PLCE1: variants seen among roughly 807,000 people sequenced by gnomAD.
PLCE1 encodes the protein 1-phosphatidylinositol 4,5-bisphosphate phosphodiesterase epsilon-1.
PLCE1 carries 119 observed loss-of-function variants against 242.8 expected under a neutral mutation model. The observed-to-expected ratio is 0.49, with a 90% CI of 0.42 to 0.57. PLCE1 has a LOEUF of 0.57. Among genes scored for constraint, PLCE1 ranks in the 20% least tolerant of loss-of-function variants. The pLI, the probability that PLCE1 is intolerant of heterozygous loss-of-function variation, is 0.00. For missense variants in PLCE1, 2,441 were observed against 2,788.8 expected, an observed-to-expected ratio of 0.88 and a Z score of 2.81; for synonymous variants, 945 against 1,017.4, an observed-to-expected ratio of 0.93 and a Z score of 1.35.
chr10:94,086,338 G>T (rs1239640756), intron 2 of PLCE1, among the ~76,000 whole-genome samples: 1 of 152,140 alleles, frequency 6.6e-6, no homozygotes, highest in Non-Finnish European at 1.5e-5. Flanking sequence ...GTATTGCCCA[G>T]CTTGACGACC....
intron 2 of PLCE1, chr10:94,094,545 C>T (rs2045226130): frequency 1.3e-5 from 2 of 152,182 alleles, no homozygotes; most frequent in African/African-American, 4.8e-5. Context: ...GAAGTCATAT[C>T]CTGCAAGACA....
intron 27 of PLCE1, 54 bp from the exon 28 acceptor site, chr10:94,313,200 G>T (rs2053444373): frequency 1.2e-6 from 2 of 1,604,728 alleles, no homozygotes; most frequent in African/African-American, 1.3e-5. Context: ...ATCAAATAGA[G>T]CTTAGAAATA....
intron 30 of PLCE1, 36 bp downstream of exon 30, chr10:94,322,095 C>T (rs1462818417): frequency 2.5e-6 from 4 of 1,597,138 alleles, no homozygotes; most frequent in Non-Finnish European, 2.6e-6. Flanking sequence ...GAGTCCTTTC[C>T]TCAGCATAAA....
At chr10:94,187,181 T>TGTGTGTGTGTGC (rs368426619) in intron 4 of PLCE1, among the ~76,000 whole-genome samples, 2 of 149,154 alleles carry the variant, frequency 1.3e-5, no homozygotes, top group African/African-American at 4.9e-5. Context: ...TGTGTGTGTG[T>TGTGTGTGTGTGC]GCGTGCACAC....
chr10:94,273,808 C>T (rs2051839073), intron 19 of PLCE1, 88 bp downstream of exon 19: 7 of 1,229,650 alleles, frequency 5.7e-6, no homozygotes, highest in Non-Finnish European at 1.2e-6. Context: ...AGATGACCTG[C>T]TGGTTTACTA....
Position 94,227,320 on chromosome 10 carries a change from G to T in PLCE1, c.1824G>T (p.Val608=). ...VMRFNEVSSW[V]TWLILTAGSM... is the part of the protein sequence containing the mutation. ...GTGTTTTCCAGGTGAGCTCCTGGGT[G>T]ACATGGCTGATCCTCACGGCAGGCT... The change falls in exon 5 of 33, where the codon GTG becomes GTT. Residue 608 remains valine, a synonymous_variant. Coordinates refer to ENST00000371380, the MANE Select transcript of PLCE1 (RefSeq NM_016341.4). The T allele has an allele frequency of 6.2e-7, 1 of 1,614,122 alleles. No homozygotes were observed. The highest frequency in any genetic ancestry group is 1.1e-5 in the South Asian group (1 of 91,078).
At chr10:94,048,453 A>T (rs964893634) in intron 2 of PLCE1, among the ~76,000 whole-genome samples, 1 of 151,936 alleles carries the variant, frequency 6.6e-6, no homozygotes, top group Admixed American at 6.6e-5. Flanking sequence ...AATACTTTAT[A>T]TGTTTCAACT....
chr10:94,010,370 G>A (rs999571500), intron 1 of PLCE1, among the ~76,000 whole-genome samples: 3 of 152,236 alleles, frequency 2.0e-5, no homozygotes, highest in Non-Finnish European at 4.4e-5. Flanking sequence ...GGGGCAGCTT[G>A]GAAGATCTGA....
At chr10:94,052,961 A>G (rs564377101) in intron 2 of PLCE1, among the ~76,000 whole-genome samples, 1 of 152,324 alleles carries the variant, frequency 6.6e-6, no homozygotes, top group African/African-American at 2.4e-5. Flanking sequence ...GCCACTTGCC[A>G]TTTCTGATTA....
chr10:94,249,222 G>A (rs146363038), intron 8 of PLCE1, among the ~76,000 whole-genome samples: 3 of 152,116 alleles, frequency 2.0e-5, no homozygotes, highest in Non-Finnish European at 2.9e-5. Flanking sequence ...GATTTCTTTC[G>A]AAAGAAAAAA....
chr10:94,305,854 G>C (rs868537395), intron 25 of PLCE1, among the ~76,000 whole-genome samples: 1 of 152,080 alleles, frequency 6.6e-6, no homozygotes, highest in South Asian at 2.1e-4. Flanking sequence ...ACTTCATCTT[G>C]TTTGGTTTTT....
chr10:94,065,338 C>T lies in PLCE1; in HGVS notation c.1206+33086C>T, dbSNP rs867249572. On this transcript the variant is annotated intron_variant, in intron 2 of 32. Coordinates refer to ENST00000371380, the MANE Select transcript of PLCE1 (RefSeq NM_016341.4). ...ACCTCTCGGCTCTGGGGCCATAGCT[C>T]ATGTATGACACTTGCTCTATGGAGA... Among the ~76,000 whole-genome samples the T allele has an allele frequency of 2.0e-5, 3 of 152,206 alleles. No individual in the cohort carries two copies. The South Asian group carries it at 6.2e-4, about 32-fold the overall frequency.
At chr10:94,197,509 A>G (rs912844672) in intron 4 of PLCE1, among the ~76,000 whole-genome samples, 2 of 152,072 alleles carry the variant, frequency 1.3e-5, no homozygotes, top group African/African-American at 4.8e-5. Context: ...TACAACACAT[A>G]CCTACAGCCA....
intron 2 of PLCE1, among the ~76,000 whole-genome samples, chr10:94,103,298 G>C (rs147265255): frequency 1.3e-5 from 2 of 152,318 alleles, no homozygotes; most frequent in South Asian, 4.1e-4. Flanking sequence ...GCTAGGGCTT[G>C]AACCTTGGGC....
chr10:94,045,168 T>C (rs996122275), intron 2 of PLCE1, among the ~76,000 whole-genome samples: 1 of 152,034 alleles, frequency 6.6e-6, no homozygotes, highest in African/African-American at 2.4e-5. Context: ...GCCCGGATAA[T>C]TAAAAAAATT....
intron 4 of PLCE1, among the ~76,000 whole-genome samples, chr10:94,210,386 C>G (rs1376082208): frequency 6.6e-6 from 1 of 152,112 alleles, no homozygotes; most frequent in Non-Finnish European, 1.5e-5. Context: ...CCTAAATTAT[C>G]AGACCCCTAG....
rs193105367 is a variant in PLCE1, at chr10:94,142,522, T to C, written c.1492+10063T>C. The stretch of plus-strand genomic sequence containing the variant: ...AGGTGATGGAGCGAGACTCTCTCTC[T>C]ACAAAAACTTTAAAAATTAAAAATA... On this transcript the variant is annotated intron_variant, in intron 3 of 32. Transcript: ENST00000371380. 2.0e-5 allele frequency among the ~76,000 whole-genome samples: 3 copies of C among 152,220 alleles called. No individual in the cohort carries two copies. In the East Asian group the frequency reaches 5.8e-4, roughly 29 times the overall value.
intron 18 of PLCE1, among the ~76,000 whole-genome samples, chr10:94,271,566 A>G (rs1489284216): frequency 6.6e-6 from 1 of 151,910 alleles, no homozygotes; most frequent in Non-Finnish European, 1.5e-5. Context: ...CACCCACCTC[A>G]GCCTCCCAGA....
chr10:94,221,449 T>C (rs1329873784), intron 4 of PLCE1, among the ~76,000 whole-genome samples: 1 of 152,188 alleles, frequency 6.6e-6, no homozygotes, highest in East Asian at 1.9e-4. Flanking sequence ...AAAGTAGCTT[T>C]GTCATAGCCG....
Sources: gnomAD v4.1 joint callset for allele counts (sites outside exome capture counted in the v4.1 genomes callset) on GRCh38, gnomAD v4.1.1 for gene constraint, MANE v1.5 for transcripts, NCBI Gene and HGNC (gene_info 2026-07-23, HGNC 2026-07-21) for gene names.